KHDRBS2: variants seen among roughly 807,000 people sequenced by gnomAD.
KHDRBS2 encodes the protein KH domain-containing, RNA-binding, signal transduction-associated protein 2.
In KHDRBS2, 26 loss-of-function variants were observed where a neutral mutation model predicts 44.3. The observed-to-expected ratio is 0.59, with a 90% CI of 0.43 to 0.81. KHDRBS2 has a LOEUF of 0.81. Among genes scored for constraint, KHDRBS2 ranks in the 40% least tolerant of loss-of-function variants. The pLI is 0.00. For synonymous variants in KHDRBS2, 194 were observed against 151.1 expected (o/e 1.28, Z -2.08); for missense variants, 476 against 433.1 (o/e 1.10, Z -0.88).
chr6:61,714,856 G>A (rs1462929476), intron 7 of KHDRBS2, among the ~76,000 whole-genome samples: 2 of 151,774 alleles, frequency 1.3e-5, no homozygotes, highest in Non-Finnish European at 1.5e-5. Context: ...TGTACCCATG[G>A]ATGTAGAGTG....
At chr6:61,966,044 C>G (rs1769859795) in intron 4 of KHDRBS2, among the ~76,000 whole-genome samples, 1 of 151,982 alleles carries the variant, frequency 6.6e-6, no homozygotes, top group African/African-American at 2.4e-5. Flanking sequence ...CTTGCTCCTG[C>G]AGACCAACTG....
At chr6:61,582,309 AGCCTAGCAG>A in the KHDRBS2 span, among the ~76,000 whole-genome samples, 3 of 151,778 alleles carry the variant, frequency 2.0e-5, no homozygotes, top group Non-Finnish European at 4.4e-5. Flanking sequence ...CAAGCAAAAA[AGCCTAGCAG>A]GCCCATAGAA....
At chr6:61,635,190 T>A in the KHDRBS2 span, among the ~76,000 whole-genome samples, 1 of 152,036 alleles carries the variant, frequency 6.6e-6, no homozygotes, top group Non-Finnish European at 1.5e-5. Flanking sequence ...ATTTTAAAAA[T>A]GCAGTTTAAG....
At chr6:61,985,569 G>A (rs10944912) in intron 3 of KHDRBS2, among the ~76,000 whole-genome samples, 32,910 of 151,952 alleles carry the variant, frequency 0.22, 3,698 homozygotes, top group Admixed American at 0.29. Flanking sequence ...GGGTTTCCAG[G>A]AGACACTTCA....
chr6:61,884,839 C>T (rs2127321338), intron 6 of KHDRBS2, among the ~76,000 whole-genome samples: 1 of 152,212 alleles, frequency 6.6e-6, no homozygotes, highest in Admixed American at 6.6e-5. Flanking sequence ...CAATCTCTCC[C>T]TGCTCTGTCC....
chr6:61,750,624 C>T (rs1206585574), intron 6 of KHDRBS2, among the ~76,000 whole-genome samples: 2 of 152,156 alleles, frequency 1.3e-5, no homozygotes, highest in African/African-American at 4.8e-5. Context: ...AACCAAGTGT[C>T]TTTAGACAAA....
Position 62,076,066 on chromosome 6 carries a change from T to C in KHDRBS2, c.220-28072A>G, listed in dbSNP as rs184682432. Among the ~76,000 whole-genome samples, 7 of 152,066 alleles carry C rather than the reference T, an allele frequency of 4.6e-5. No homozygotes were observed. In the East Asian group the frequency reaches 7.8e-4, roughly 17 times the overall value. ...TGGGTCTCATCCACATATCTCAATA[T>C]TGCTTATTAAGCAAATTAACTCAAA... On this transcript the variant is annotated intron_variant, in intron 2 of 8. Transcript: ENST00000281156.
chr6:61,670,287 C>A, the KHDRBS2 span, among the ~76,000 whole-genome samples: 1 of 151,242 alleles, frequency 6.6e-6, no homozygotes, highest in African/African-American at 2.4e-5. Context: ...ACAAAAAAAT[C>A]TTTAAAAAGT....
At chr6:61,570,834 A>G in the KHDRBS2 span, among the ~76,000 whole-genome samples, 6 of 152,142 alleles carry the variant, frequency 3.9e-5, no homozygotes, top group Non-Finnish European at 8.8e-5. Flanking sequence ...TTCATAAACA[A>G]AGGAGAGATA....
At chr6:61,821,008 T>C (rs540679356) in intron 6 of KHDRBS2, among the ~76,000 whole-genome samples, 7 of 152,140 alleles carry the variant, frequency 4.6e-5, no homozygotes, top group African/African-American at 1.4e-4. Flanking sequence ...CACTCAGAAT[T>C]GGGAAATCTG....
chr6:61,745,764 T>C (rs1472762096), intron 6 of KHDRBS2, among the ~76,000 whole-genome samples: 2 of 152,116 alleles, frequency 1.3e-5, no homozygotes, highest in Admixed American at 6.6e-5. Context: ...AGGAGAGTTG[T>C]TGTTTCTAAA....
At chr6:62,057,046 G>C (rs1307637146) in intron 2 of KHDRBS2, among the ~76,000 whole-genome samples, 1 of 151,948 alleles carries the variant, frequency 6.6e-6, no homozygotes, top group Non-Finnish European at 1.5e-5. Flanking sequence ...GTAGAATGAA[G>C]ATGTTGTATA....
chr6:62,149,824 T>C (rs1814720060), intron 2 of KHDRBS2, among the ~76,000 whole-genome samples: 1 of 152,182 alleles, frequency 6.6e-6, no homozygotes, highest in African/African-American at 2.4e-5. Context: ...ACTCTATCTT[T>C]CACCAGCATT....
At chr6:62,009,985 T>C (rs150261593) in intron 3 of KHDRBS2, among the ~76,000 whole-genome samples, 1 of 152,156 alleles carries the variant, frequency 6.6e-6, no homozygotes, top group Non-Finnish European at 1.5e-5. Context: ...AGTGGAGCTA[T>C]GAGAACAGGG....
chr6:62,098,348 G>T lies in KHDRBS2; in HGVS notation c.220-50354C>A, dbSNP rs9342665. 4.6e-4 allele frequency among the ~76,000 whole-genome samples: 70 copies of T among 150,838 alleles called. 1 individual carries two copies. The highest frequency in any genetic ancestry group is 1.3e-4 in the Non-Finnish European group (9 of 67,666). On this transcript the variant is annotated intron_variant, in intron 2 of 8. Transcript: ENST00000281156. ...CAGATCTGGTGGTGATATACTCTCT[G>T]AGCTTTTGTCTGGGAAAGTATTTCT...
chr6:61,815,488 C>T (rs1788770190), intron 6 of KHDRBS2, among the ~76,000 whole-genome samples: 1 of 152,040 alleles, frequency 6.6e-6, no homozygotes, highest in Non-Finnish European at 1.5e-5. Flanking sequence ...ATGGTTTTAG[C>T]AAAAGTAACG....
chr6:61,887,858 G>C (rs1801193621), intron 6 of KHDRBS2, among the ~76,000 whole-genome samples: 1 of 152,186 alleles, frequency 6.6e-6, no homozygotes, highest in Admixed American at 6.5e-5. Context: ...AATTAGAGCA[G>C]AGAGTAGCAG....
chr6:62,043,206 C>T (rs1438324621), intron 3 of KHDRBS2, among the ~76,000 whole-genome samples: 1 of 152,018 alleles, frequency 6.6e-6, no homozygotes, highest in East Asian at 1.9e-4. Flanking sequence ...TTCCTCTGTT[C>T]TCCCTCACCA....
intron 3 of KHDRBS2, among the ~76,000 whole-genome samples, chr6:61,980,676 G>T (rs150842555): frequency 6.6e-6 from 1 of 152,216 alleles, no homozygotes; most frequent in South Asian, 2.1e-4. Context: ...AGATGGCATG[G>T]CAAATTTCCA....
Sources: gnomAD v4.1 joint callset for allele counts (sites outside exome capture counted in the v4.1 genomes callset) on GRCh38, gnomAD v4.1.1 for gene constraint, MANE v1.5 for transcripts, NCBI Gene and HGNC (gene_info 2026-07-23, HGNC 2026-07-21) for gene names.